LINGO2: variants seen among roughly 807,000 people sequenced by gnomAD.
The protein encoded by LINGO2 is leucine-rich repeat and immunoglobulin-like domain-containing nogo receptor-interacting protein 2.
LINGO2 carries 14 observed loss-of-function variants against 30.6 expected under a neutral mutation model. That is an observed-to-expected ratio of 0.46 (90% CI 0.30 to 0.72). LINGO2 has a LOEUF of 0.72. Among genes scored for constraint, LINGO2 ranks in the 30% least tolerant of loss-of-function variants. The pLI is 0.07. For missense variants in LINGO2, 729 were observed against 751.7 expected, an observed-to-expected ratio of 0.97 and a Z score of 0.35; for synonymous variants, 317 against 288.5, an observed-to-expected ratio of 1.10 and a Z score of -1.00.
intron 2 of LINGO2, among the ~76,000 whole-genome samples, chr9:28,420,921 C>T (rs945992598): frequency 2.6e-5 from 4 of 151,788 alleles, no homozygotes; most frequent in South Asian, 2.1e-4. Flanking sequence ...ACTTAAGAAA[C>T]GAATGCTGAA....
chr9:28,421,770 A>T (rs542756277), intron 2 of LINGO2, among the ~76,000 whole-genome samples: 34 of 152,246 alleles, frequency 2.2e-4, no homozygotes, highest in African/African-American at 7.9e-4. Flanking sequence ...GGTCAACTAT[A>T]CCAAGCTACA....
chr9:28,867,394 G>T, the LINGO2 span, among the ~76,000 whole-genome samples: 147 of 151,430 alleles, frequency 9.7e-4, no homozygotes, highest in Non-Finnish European at 1.7e-3. Context: ...GCAAGTCAGG[G>T]TATAAAAGCA....
chr9:28,961,266 G>C, the LINGO2 span, among the ~76,000 whole-genome samples: 1 of 152,078 alleles, frequency 6.6e-6, no homozygotes, highest in Non-Finnish European at 1.5e-5. Context: ...CATCCTGGCA[G>C]ACAGGCCCTG....
At chr9:28,812,985 G>A in the LINGO2 span, among the ~76,000 whole-genome samples, 3 of 150,714 alleles carry the variant, frequency 2.0e-5, no homozygotes, top group South Asian at 6.3e-4. Context: ...CTAAGAATTA[G>A]ACATATACCA....
At chr9:28,529,025 G>C (rs1821130876) in intron 1 of LINGO2, among the ~76,000 whole-genome samples, 1 of 152,008 alleles carries the variant, frequency 6.6e-6, no homozygotes, top group Non-Finnish European at 1.5e-5. Flanking sequence ...CTGAGTATTA[G>C]TTAGAATAAT....
At chr9:29,179,580 T>C in the LINGO2 span, among the ~76,000 whole-genome samples, 2 of 152,036 alleles carry the variant, frequency 1.3e-5, no homozygotes, top group Non-Finnish European at 2.9e-5. Flanking sequence ...AAATTTTGTA[T>C]TTTTAGTAGA....
At chr9:28,350,840 G>A (rs1369561168) in intron 3 of LINGO2, among the ~76,000 whole-genome samples, 2 of 151,700 alleles carry the variant, frequency 1.3e-5, no homozygotes, top group East Asian at 3.9e-4. Context: ...TCAGGATTAA[G>A]AATCTCACTC....
At chr9:28,788,942 CT>C in the LINGO2 span, among the ~76,000 whole-genome samples, 2 of 152,056 alleles carry the variant, frequency 1.3e-5, no homozygotes, top group Non-Finnish European at 2.9e-5. Flanking sequence ...GAAAGAAATG[CT>C]TTTTAGGGTG....
chr9:29,190,376 G>GTT, the LINGO2 span, among the ~76,000 whole-genome samples: 11 of 152,202 alleles, frequency 7.2e-5, no homozygotes, highest in Non-Finnish European at 1.6e-4. Context: ...AAGCTGACTT[G>GTT]TTTATACCCA....
chr9:28,340,775 A>G (rs1042178224), intron 3 of LINGO2, among the ~76,000 whole-genome samples: 1 of 152,096 alleles, frequency 6.6e-6, no homozygotes, highest in Non-Finnish European at 1.5e-5. Flanking sequence ...TATGATGCTC[A>G]TTATAGAAAA....
chr9:28,217,813 A>G (rs1820821415), intron 4 of LINGO2, among the ~76,000 whole-genome samples: 1 of 152,028 alleles, frequency 6.6e-6, no homozygotes, highest in Non-Finnish European at 1.5e-5. Context: ...TTTAAAGTGC[A>G]GGATCAACAA....
chr9:28,916,558 C>A, the LINGO2 span, among the ~76,000 whole-genome samples: 1 of 152,284 alleles, frequency 6.6e-6, no homozygotes, highest in Non-Finnish European at 1.5e-5. Flanking sequence ...GTTAGAAAAT[C>A]TTTTAATCAC....
intron 4 of LINGO2, among the ~76,000 whole-genome samples, chr9:28,178,602 T>G (rs1564021298): frequency 6.6e-6 from 1 of 152,140 alleles, no homozygotes; most frequent in South Asian, 2.1e-4. Flanking sequence ...CTTCTCAATG[T>G]TCACGGAACA....
chr9:27,975,103 G>A (rs944025193), intron 5 of LINGO2, among the ~76,000 whole-genome samples: 17 of 152,206 alleles, frequency 1.1e-4, no homozygotes, highest in African/African-American at 3.9e-4. Context: ...GATGTATTTA[G>A]CTTTAAGGAC....
At chr9:28,108,265 A>G (rs1826658902) in intron 4 of LINGO2, among the ~76,000 whole-genome samples, 1 of 152,118 alleles carries the variant, frequency 6.6e-6, no homozygotes, top group Non-Finnish European at 1.5e-5. Context: ...TGTTTCCCCT[A>G]TGAAAAGACT....
At chr9:28,443,543 C>T (rs567690982) in intron 2 of LINGO2, among the ~76,000 whole-genome samples, 5 of 152,348 alleles carry the variant, frequency 3.3e-5, no homozygotes, top group Admixed American at 3.3e-4. Flanking sequence ...TGCTCCTGCT[C>T]CCTGGCCTCT....
At chr9:28,222,584 T>C (rs755993486) in intron 4 of LINGO2, among the ~76,000 whole-genome samples, 2 of 152,164 alleles carry the variant, frequency 1.3e-5, no homozygotes, top group Non-Finnish European at 2.9e-5. Context: ...ATTTCGAATC[T>C]AATAAAAATT....
chr9:28,246,342 T>G (rs1291218970), intron 4 of LINGO2, among the ~76,000 whole-genome samples: 1 of 151,970 alleles, frequency 6.6e-6, no homozygotes, highest in East Asian at 1.9e-4. Context: ...GAGAATCGCT[T>G]GAACCCAGGG....
chr9:28,434,723 A>G (rs1430429230), intron 2 of LINGO2, among the ~76,000 whole-genome samples: 1 of 152,104 alleles, frequency 6.6e-6, no homozygotes, highest in Non-Finnish European at 1.5e-5. Flanking sequence ...TCAGATATGA[A>G]TATTTCTCTT....
Sources: allele counts gnomAD v4.1 joint callset (sites outside exome capture counted in the v4.1 genomes callset), GRCh38; gene constraint gnomAD v4.1.1; transcripts MANE v1.5; gene names NCBI Gene and HGNC (gene_info 2026-07-23, HGNC 2026-07-21).